Variants in IRF4 observed in about 807,000 individuals in gnomAD.
The protein encoded by IRF4 is lymphocyte-specific interferon regulatory factor.
Under a neutral mutation model 55.5 loss-of-function variants are expected in IRF4, and 13 were observed. That is an observed-to-expected ratio of 0.23 (90% CI 0.15 to 0.37). The LOEUF (loss-of-function observed/expected upper bound fraction) is 0.37, where lower values mean the gene tolerates loss of function less well. Ranked by LOEUF, IRF4 falls within the 10% of genes least tolerant of loss-of-function variation. IRF4 has a pLI of 1.00. For synonymous variants in IRF4, 249 were observed against 240.7 expected, an observed-to-expected ratio of 1.03 and a Z score of -0.32; for missense variants, 397 against 593.8, an observed-to-expected ratio of 0.67 and a Z score of 3.44.
At position 401,776 on chromosome 6, in the gene IRF4, A is replaced by C. The variant is rs1461035938; in HGVS notation, c.1098A>C (p.Ser366=). 2 of 1,613,944 alleles carry C rather than the reference A, an allele frequency of 1.2e-6. No homozygotes were observed. Among genetic ancestry groups the C allele is most frequent in the African/African-American group, 1.3e-5 (1 of 75,064 alleles). The change falls in exon 7 of 9, where the codon TCA becomes TCC. Residue 366 remains serine (S), a splice_region_variant and synonymous_variant. Transcript: ENST00000380956. The part of the protein sequence containing the change: ...CKLFDTQQFL[S]ELQAFAHHGR... ...TCTTTGACACACAGCAGTTCTTGTCAGGTAAGGCACCTCGTTATCTGTTAG... is the reference window on the plus strand; with the variant it reads ...TCTTTGACACACAGCAGTTCTTGTCCGGTAAGGCACCTCGTTATCTGTTAG...
chr6:405,420 C>T (rs1340339754), intron 8 of IRF4, among the ~76,000 whole-genome samples: 1 of 152,136 alleles, frequency 6.6e-6, no homozygotes, highest in African/African-American at 2.4e-5. Context: ...TGTCGTATTT[C>T]CATTTTATAG....
chr6:401,709 A>G lies in IRF4; in HGVS notation c.1031A>G (p.Asn344Ser), dbSNP rs2127440282. Residue 344 changes from asparagine (N) to serine (S), a missense_variant, in exon 7 of 9, where the codon AAC becomes AGC. Physicochemically the swap from Asn to Ser is conservative, Grantham distance 46. This residue lies in a region of IRF4 where 341 missense variants were observed against 548.1 expected (regional missense o/e 0.62). Transcript: ENST00000380956. ...IYWDGPLALC[N>S]DRPNKLERDQ... ...TGGGACGGGCCCCTGGCGCTGTGCA[A>G]CGACCGGCCCAACAAACTGGAGAGA... 1 of 1,614,222 alleles carries G rather than the reference A, an allele frequency of 6.2e-7. No individual in the cohort carries two copies. The highest frequency in any genetic ancestry group is 1.1e-5 in the South Asian group (1 of 91,078).
chr6:410,024 A>G lies in IRF4; in HGVS notation c.*2426A>G, dbSNP rs1189162900. On this transcript the variant is annotated 3_prime_UTR_variant, in exon 9 of 9. Transcript: ENST00000380956. ...TTTAAAATTCTGAGTGATCCAGGGT[A>G]TGACCTAGGGAATGAACTAGCTATG... 1 of 227,918 alleles carries G rather than the reference A, an allele frequency of 4.4e-6. No homozygotes were observed. The highest frequency in any genetic ancestry group is 2.2e-5 in the African/African-American group (1 of 45,076). 14.1% of individuals were successfully genotyped at this position (227,918 alleles called of 1,614,324 possible). A position where few individuals can be genotyped will look rare whatever the true frequency, so the allele number is the denominator to read the frequency against.
rs1561712587 is a variant in IRF4, at chr6:396,572, TCC to T, written c.493-535_493-534del. Among the ~76,000 whole-genome samples, 340 of 148,954 alleles carry T rather than the reference TCC, an allele frequency of 2.3e-3. 3 individuals are homozygous for T. Among genetic ancestry groups the T allele is most frequent in the African/African-American group, 7.6e-3 (307 of 40,350 alleles). ...TGCCAGTGCTTCTTATCTCAGCCTCTCCTGCACTCCTTTACCCCCGTCTCGAT... is the reference window on the plus strand; with the variant it reads ...TGCCAGTGCTTCTTATCTCAGCCTCTTGCACTCCTTTACCCCCGTCTCGAT... On this transcript the variant is annotated intron_variant, in intron 4 of 8. Coordinates refer to ENST00000380956, the MANE Select transcript of IRF4 (RefSeq NM_002460.4).
At position 404,998 on chromosome 6, in the gene IRF4, T is replaced by C. The variant is rs1344921711; in HGVS notation, c.1100-20T>C. 6.6e-7 allele frequency: 1 copy of C among 1,525,502 alleles called. No homozygotes were observed. Among genetic ancestry groups the C allele is most frequent in the Non-Finnish European group, 9.1e-7 (1 of 1,099,526 alleles). The allele number at this position is 1,525,502 out of a possible 1,614,324, so 94.5% of individuals were successfully genotyped here. A position where few individuals can be genotyped will look rare whatever the true frequency, so the allele number is the denominator to read the frequency against. ...GATGAGGGTTTCTGAACATGGTCTCTTTCTTGTGGGCTTCTACAGAGCTGC... is the reference window on the plus strand; with the variant it reads ...GATGAGGGTTTCTGAACATGGTCTCCTTCTTGTGGGCTTCTACAGAGCTGC... On this transcript the variant is annotated intron_variant, in intron 7 of 8. Transcript: ENST00000380956.
intron 4 of IRF4, chr6:396,146 G>T: frequency 1.8e-6 from 1 of 557,664 alleles, no homozygotes; most frequent in Non-Finnish European, 3.2e-6. Flanking sequence ...AGGGTCGGGC[G>T]TGTCCGCCTG....
chr6:409,065 T>C lies in IRF4; in HGVS notation c.*1467T>C, dbSNP rs1461981721. On this transcript the variant is annotated 3_prime_UTR_variant, in exon 9 of 9. Transcript: ENST00000380956. Reference sequence around the variant, plus strand: ...CATACTACAGGATATTTACTATTACTCCCAGGATCAGCAGAAGATTGCGTA... The same window carrying C: ...CATACTACAGGATATTTACTATTACCCCCAGGATCAGCAGAAGATTGCGTA... 4.6e-6 allele frequency: 1 copy of C among 216,098 alleles called. No individual in the cohort carries two copies. Among genetic ancestry groups the C allele is most frequent in the Non-Finnish European group, 9.3e-6 (1 of 107,042 alleles). 13.4% of individuals were successfully genotyped at this position (216,098 alleles called of 1,614,324 possible).
intron 8 of IRF4, 53 bp downstream of exon 8, chr6:405,183 C>G: frequency 2.1e-6 from 2 of 969,772 alleles, no homozygotes; most frequent in Non-Finnish European, 3.3e-6. Flanking sequence ...TTTGTAAAGG[C>G]CAGAGTTTCA....
At position 393,357 on chromosome 6, in the gene IRF4, G is replaced by A. The variant is rs1761168098; in HGVS notation, c.205G>A (p.Ala69Thr). Residue 69 changes from alanine to threonine, a missense_variant, in exon 2 of 9, where the codon GCG becomes ACG. Ala to Thr is a moderately conservative substitution (Grantham distance 58). Transcript: ENST00000380956. The surrounding 1 kb of genome is among the most constrained non-coding windows in gnomAD (Gnocchi z 5.4). ...KQDYNREEDA[A>T]LFKAWALFKG... Reference sequence around the variant, plus strand: ...GGACTACAACCGCGAGGAGGACGCCGCGCTCTTCAAGGTCTCCGGCCTCGG... The same window carrying A: ...GGACTACAACCGCGAGGAGGACGCCACGCTCTTCAAGGTCTCCGGCCTCGG... The A allele has an allele frequency of 1.3e-6, 2 of 1,596,730 alleles. No homozygotes were observed. The highest frequency in any genetic ancestry group is 1.7e-5 in the Admixed American group (1 of 58,230).
Position 408,820 on chromosome 6 carries a change from C to G in IRF4, c.*1222C>G, listed in dbSNP as rs1016445909. The G allele has an allele frequency of 8.5e-6, 2 of 234,128 alleles. No homozygotes were observed. Among genetic ancestry groups the G allele is most frequent in the East Asian group, 1.2e-4 (2 of 16,864 alleles). 14.5% of individuals were successfully genotyped at this position (234,128 alleles called of 1,614,324 possible). ...AAGCAGGATGGAGCTGACTACGGAA[C>G]TGCACACTCAGTGGGCTGTTTCTGC... On this transcript the variant is annotated 3_prime_UTR_variant, in exon 9 of 9. Transcript: ENST00000380956.
At position 397,143 on chromosome 6, in the gene IRF4, A is replaced by T; in HGVS notation, c.528A>T (p.Arg176=). The change falls in exon 5 of 9, where the codon CGA becomes CGT. Residue 176 remains arginine (R), a synonymous_variant. Coordinates refer to ENST00000380956, the MANE Select transcript of IRF4 (RefSeq NM_002460.4). The stretch of plus-strand genomic sequence containing the variant: ...ACTACATGATGCCACCCCTCGACCG[A>T]AGCTGGAGGGACTACGTCCCGGATC... The part of the protein sequence containing the change: ...VHNYMMPPLD[R]SWRDYVPDQP... 6.2e-7 allele frequency: 1 copy of T among 1,614,258 alleles called. No individual in the cohort carries two copies. The highest frequency in any genetic ancestry group is 1.1e-5 in the South Asian group (1 of 91,086).
intron 7 of IRF4, among the ~76,000 whole-genome samples, chr6:404,100 G>C (rs1343629436): frequency 1.3e-5 from 2 of 152,238 alleles, no homozygotes; most frequent in African/African-American, 4.8e-5. Flanking sequence ...CCCGGCCCGA[G>C]GGTGTGTATC....
At chr6:405,158 A>C (rs763162804) in intron 8 of IRF4, 28 bp downstream of exon 8, 2 of 1,222,620 alleles carry the variant, frequency 1.6e-6, no homozygotes, top group African/African-American at 3.0e-5. Flanking sequence ...CTCCTACCAT[A>C]GTGGCTTCCT....
intron 3 of IRF4, among the ~76,000 whole-genome samples, chr6:395,240 G>A (rs1274362113): frequency 2.0e-5 from 3 of 149,334 alleles, no homozygotes; most frequent in African/African-American, 7.6e-5. Flanking sequence ...AATGTATATG[G>A]GGGGGGGTGC....
chr6:397,014 A>T, intron 4 of IRF4, 94 bp from the exon 5 acceptor site: 1 of 1,394,912 alleles, frequency 7.2e-7, no homozygotes, highest in Admixed American at 2.0e-5. Context: ...CCCCGTCTCG[A>T]TGCCAGTGCT....
chr6:394,495 T>C (rs1035715640), intron 2 of IRF4, among the ~76,000 whole-genome samples: 1 of 152,214 alleles, frequency 6.6e-6, no homozygotes, highest in Admixed American at 6.5e-5. Context: ...GGGTTTAGCA[T>C]GGTGGCTCAC....
chr6:401,987 T>C (rs1383680807), intron 7 of IRF4, among the ~76,000 whole-genome samples: 1 of 152,204 alleles, frequency 6.6e-6, no homozygotes, highest in Non-Finnish European at 1.5e-5. Flanking sequence ...AGGTGGACCA[T>C]GGCTCAGGCT....
chr6:405,254 T>G (rs1457110249), intron 8 of IRF4, 124 bp downstream of exon 8: 1 of 638,130 alleles, frequency 1.6e-6, no homozygotes, highest in Non-Finnish European at 2.8e-6. Flanking sequence ...AGCGTAACCC[T>G]TAAACTAGTG....
rs2127440279 is a variant in IRF4 at position 401,707 on chromosome 6, C to T, written c.1029C>T (p.Cys343=). The change falls in exon 7 of 9, where the codon TGC becomes TGT. Residue 343 remains cysteine, a synonymous_variant. Coordinates refer to ENST00000380956, the MANE Select transcript of IRF4 (RefSeq NM_002460.4). ...RIYWDGPLAL[C]NDRPNKLERD... ...ACTGGGACGGGCCCCTGGCGCTGTG[C>T]AACGACCGGCCCAACAAACTGGAGA... is the stretch of plus-strand genomic sequence containing the variant. 1 of 1,614,240 alleles carries T rather than the reference C, an allele frequency of 6.2e-7. No individual in the cohort carries two copies. The highest frequency in any genetic ancestry group is 2.2e-5 in the East Asian group (1 of 44,886).
Sources: allele counts gnomAD v4.1 joint callset (sites outside exome capture counted in the v4.1 genomes callset), GRCh38; gene constraint gnomAD v4.1.1; regional missense constraint gnomAD v4.1.1; non-coding constraint Gnocchi (gnomAD v3.1); transcripts MANE v1.5; gene names NCBI Gene and HGNC (gene_info 2026-07-23, HGNC 2026-07-21).